The following MYO9B variants were observed in gnomAD, a reference collection of about 807,000 sequenced individuals.
MYO9B encodes unconventional myosin-IXb.
Under a neutral mutation model 229.5 loss-of-function variants are expected in MYO9B, and 71 were observed. The observed-to-expected ratio is 0.31, with a 90% CI of 0.26 to 0.38. MYO9B has a LOEUF of 0.38. MYO9B is among the 10% of genes least tolerant of loss of function. MYO9B has a pLI of 1.00. For synonymous variants in MYO9B, 1,185 were observed against 1,235.8 expected (o/e 0.96, Z 0.86); for missense variants, 2,255 against 2,920.5 (o/e 0.77, Z 5.25).
chr19:17,142,052 C>T (rs2072346948), intron 2 of MYO9B, among the ~76,000 whole-genome samples: 1 of 151,866 alleles, frequency 6.6e-6, no homozygotes, highest in Admixed American at 6.6e-5. Context: ...GTGGCATGCA[C>T]CTGTGGTCCC....
intron 2 of MYO9B, among the ~76,000 whole-genome samples, chr19:17,106,419 G>A (rs1223511495): frequency 2.0e-5 from 3 of 152,140 alleles, no homozygotes; most frequent in Admixed American, 6.5e-5. Context: ...AAGACTCTGG[G>A]TGACACAGGA....
intron 3 of MYO9B, among the ~76,000 whole-genome samples, chr19:17,150,427 G>A (rs1012948395): frequency 1.3e-5 from 2 of 151,158 alleles, no homozygotes; most frequent in African/African-American, 2.4e-5. Context: ...AAAAAAGACT[G>A]CTATGCTGGA....
intron 16 of MYO9B, chr19:17,184,084 A>T (rs902955822): frequency 3.5e-6 from 2 of 578,678 alleles, no homozygotes; most frequent in African/African-American, 3.8e-5. Flanking sequence ...ATTTGCACAC[A>T]CAGCGGCTTA....
chr19:17,184,080 A>G (rs1041762582), intron 16 of MYO9B: 40 of 585,586 alleles, frequency 6.8e-5, no homozygotes, highest in East Asian at 5.6e-4. Context: ...GGGTATTTGC[A>G]CACACAGCGG....
At chr19:17,192,571 G>A (rs1432081895) in intron 20 of MYO9B, among the ~76,000 whole-genome samples, 175 bp from the exon 21 acceptor site, 1 of 151,520 alleles carries the variant, frequency 6.6e-6, no homozygotes, top group African/African-American at 2.4e-5. Context: ...CTCCAGCCTG[G>A]GCGACAGAGT....
chr19:17,210,977 C>CTTTTTT (rs35355662), intron 38 of MYO9B, 129 bp downstream of exon 38: 66 of 334,374 alleles, frequency 2.0e-4, no homozygotes, highest in African/African-American at 4.0e-4. Flanking sequence ...GCAAACAACA[C>CTTTTTT]TTTTTTTTTT....
rs1274011655 is a variant in MYO9B at position 17,198,318 on chromosome 19, G to A, written c.4238+10G>A. 6.2e-7 allele frequency: 1 copy of A among 1,613,094 alleles called. No individual in the cohort carries two copies. The highest frequency in any genetic ancestry group is 8.5e-7 in the Non-Finnish European group (1 of 1,179,554). On this transcript the variant is annotated intron_variant, in intron 24 of 39. Transcript: ENST00000682292. ...CTCAGGTCGACTCTAAGTAAGTATTGGGCTTGGGGGAAACTCAGGCCACCA... is the reference window on the plus strand; with the variant it reads ...CTCAGGTCGACTCTAAGTAAGTATTAGGCTTGGGGGAAACTCAGGCCACCA...
At chr19:17,159,370 C>T (rs759722184) in intron 7 of MYO9B, 25 bp from the exon 8 acceptor site, 6 of 1,574,834 alleles carry the variant, frequency 3.8e-6, no homozygotes, top group Admixed American at 1.8e-5. Flanking sequence ...CCTTTTCCTT[C>T]TCCCTCTCCT....
intron 2 of MYO9B, 72 bp downstream of exon 2, chr19:17,102,629 G>T: frequency 6.8e-7 from 1 of 1,465,918 alleles, no homozygotes; most frequent in Non-Finnish European, 9.0e-7. Context: ...GGCCAAGCTC[G>T]GTGGCCCACA....
At chr19:17,163,270 A>G in intron 10 of MYO9B, 148 bp downstream of exon 10, 1 of 874,728 alleles carries the variant, frequency 1.1e-6, no homozygotes, top group South Asian at 1.8e-5. Context: ...CCACCACCAT[A>G]CATCTCCAGA....
At chr19:17,206,225 G>GGGGGGGCCCCCCC in intron 32 of MYO9B, 23 bp from the exon 33 acceptor site, 7 of 1,564,664 alleles carry the variant, frequency 4.5e-6, no homozygotes, top group South Asian at 1.2e-5. Flanking sequence ...CCGCTCACCA[G>GGGGGGGCCCCCCC]ACCCACCCCA....
chr19:17,139,123 G>C (rs889388114), intron 2 of MYO9B, among the ~76,000 whole-genome samples: 2 of 152,194 alleles, frequency 1.3e-5, no homozygotes, highest in African/African-American at 2.4e-5. Context: ...GTTGCAGTGA[G>C]CTGAGATTAT....
intron 2 of MYO9B, among the ~76,000 whole-genome samples, chr19:17,136,720 C>T (rs1394163907): frequency 6.6e-6 from 1 of 152,124 alleles, no homozygotes; most frequent in Admixed American, 6.6e-5. Context: ...GTCAACTTCA[C>T]CAGCAGAGCC....
chr19:17,156,818 GGTTTTAT>G, intron 6 of MYO9B, 84 bp from the exon 7 acceptor site: 1 of 1,443,188 alleles, frequency 6.9e-7, no homozygotes, highest in East Asian at 2.3e-5. Flanking sequence ...AGAATTTGCT[GGTTTTAT>G]GGATTCAGCC....
In MYO9B at chr19:17,200,345, C is replaced by T; in HGVS notation, c.4291C>T (p.Leu1431=). 6.2e-7 allele frequency: 1 copy of T among 1,612,516 alleles called. No homozygotes were observed. The change falls in exon 25 of 40, where the codon CTG becomes TTG. Residue 1431 remains leucine (L), a synonymous_variant. Coordinates refer to ENST00000682292, the MANE Select transcript of MYO9B (RefSeq NM_004145.4). ...LHKTKDKKYS[L]EGAEELENAV... is the part of the protein sequence containing the mutation. ...TAAAACCAAGGATAAAAAATACAGC[C>T]TGGAGGGCGCAGAGGAGCTGGAGAA...
At chr19:17,140,640 C>T (rs1338577539) in intron 2 of MYO9B, among the ~76,000 whole-genome samples, 1 of 151,940 alleles carries the variant, frequency 6.6e-6, no homozygotes, top group Non-Finnish European at 1.5e-5. Flanking sequence ...AGGCATGTAC[C>T]ACCATGCCCG....
intron 2 of MYO9B, among the ~76,000 whole-genome samples, chr19:17,127,088 T>A: frequency 7.1e-6 from 1 of 140,858 alleles, no homozygotes; most frequent in Admixed American, 7.3e-5. Context: ...CTTGGATCAC[T>A]GCAACCTTTG....
chr19:17,081,901 C>G (rs1298173828), intron 1 of MYO9B, among the ~76,000 whole-genome samples: 2 of 151,140 alleles, frequency 1.3e-5, no homozygotes, highest in East Asian at 3.9e-4. Flanking sequence ...AGGGCCAGGT[C>G]CACAAGGCTG....
At chr19:17,096,959 G>T (rs1215818051) in intron 1 of MYO9B, among the ~76,000 whole-genome samples, 1 of 149,266 alleles carries the variant, frequency 6.7e-6, no homozygotes. Flanking sequence ...CAAAATGCTG[G>T]GATTACAGGC....
Sources: gnomAD v4.1 joint callset for allele counts (sites outside exome capture counted in the v4.1 genomes callset) on GRCh38, gnomAD v4.1.1 for gene constraint, MANE v1.5 for transcripts, NCBI Gene and HGNC (gene_info 2026-07-23, HGNC 2026-07-21) for gene names.